The following CHAT variants were observed in gnomAD, a reference collection of about 807,000 sequenced individuals.
CHAT encodes the protein acetyl CoA:choline O-acetyltransferase.
Under a neutral mutation model 76.9 loss-of-function variants are expected in CHAT, and 61 were observed. That is an observed-to-expected ratio of 0.79 (90% CI 0.65 to 0.98). CHAT has a LOEUF of 0.98. Ranked by LOEUF, CHAT falls within the 50% of genes least tolerant of loss-of-function variation. The probability of loss-of-function intolerance (pLI) is 0.00; values close to 1 mark genes in which losing one functional copy is unlikely to be tolerated. For missense variants in CHAT, 946 were observed against 986.9 expected, an observed-to-expected ratio of 0.96 and a Z score of 0.56; for synonymous variants, 407 against 397.4, an observed-to-expected ratio of 1.02 and a Z score of -0.29.
intron 4 of CHAT, among the ~76,000 whole-genome samples, 188 bp downstream of exon 4, chr10:49,620,801 AC>A (rs1211076726): frequency 7.2e-5 from 11 of 152,230 alleles, no homozygotes. Context: ...CACTCGAGTG[AC>A]AATCACACAA....
chr10:49,646,720 C>T lies in CHAT; in HGVS notation c.1281+46C>T, dbSNP rs1390004110. On this transcript the variant is annotated intron_variant, in intron 8 of 14. Coordinates refer to ENST00000337653, the MANE Select transcript of CHAT (RefSeq NM_020549.5). The stretch of plus-strand genomic sequence containing the variant: ...TGCAAGAGCACAGCCATGCCCCCAG[C>T]GAGAGAGTGAGTAGGCAAGCGGGCA... The T allele has an allele frequency of 1.0e-5, 16 of 1,602,232 alleles. No individual in the cohort carries two copies. In the East Asian group the frequency reaches 1.6e-4, roughly 16 times the overall value.
Position 49,622,700 on chromosome 10 carries a change from C to T in CHAT, c.752+550C>T, listed in dbSNP as rs564560851. The stretch of plus-strand genomic sequence containing the variant: ...GTCTGAGAGCAGCAGGGAGAGTAAG[C>T]GGGTCTGGAGGACCCAAGTCTCTCA... On this transcript the variant is annotated intron_variant, in intron 5 of 14. Transcript: ENST00000337653. Among the ~76,000 whole-genome samples, 7 of 152,234 alleles carry T rather than the reference C, an allele frequency of 4.6e-5. No individual in the cohort carries two copies. In the South Asian group the frequency reaches 1.2e-3, roughly 27 times the overall value.
At chr10:49,622,666 CA>C (rs1305113961) in intron 5 of CHAT, among the ~76,000 whole-genome samples, 1 of 152,124 alleles carries the variant, frequency 6.6e-6, no homozygotes. Context: ...CTTAGGAGAG[CA>C]GGAGGGTGTC....
At chr10:49,661,015 T>A (rs1307147699) in intron 13 of CHAT, among the ~76,000 whole-genome samples, 3 of 152,230 alleles carry the variant, frequency 2.0e-5, no homozygotes, top group African/African-American at 7.2e-5. Flanking sequence ...TATGATCATG[T>A]TTTTTTGCAT....
rs1259327742 is a variant in CHAT, at chr10:49,620,481, G to GC, written c.580-11dup. On this transcript the variant is annotated splice_polypyrimidine_tract_variant and intron_variant, in intron 3 of 14. Transcript: ENST00000337653. The stretch of plus-strand genomic sequence containing the variant: ...TTGGGGGGATGTGACGGCCTTCCCT[G>GC]CCCTCCCCGGCAGGTGTCTGAGTAC... 1 of 1,593,472 alleles carries GC rather than the reference G, an allele frequency of 6.3e-7. No homozygotes were observed. Among genetic ancestry groups the GC allele is most frequent in the Non-Finnish European group, 8.6e-7 (1 of 1,162,334 alleles).
chr10:49,612,193 C>T (rs376743590), upstream of CHAT: 16 of 1,609,440 alleles, frequency 9.9e-6, no homozygotes, highest in East Asian at 6.7e-5. Flanking sequence ...GCGCGATGTG[C>T]TGCTTGATGA....
At chr10:49,611,618 T>C, upstream of CHAT, 1 of 1,611,498 alleles carries the variant, frequency 6.2e-7, no homozygotes, top group Non-Finnish European at 8.5e-7. Context: ...TACATTGCCG[T>C]GGTGGCCGGC....
At chr10:49,656,755 T>C (rs1840047591) in intron 13 of CHAT, among the ~76,000 whole-genome samples, 2 of 152,268 alleles carry the variant, frequency 1.3e-5, no homozygotes, top group Non-Finnish European at 2.9e-5. Flanking sequence ...GAAGAAGGAC[T>C]GGTTGGAATT....
chr10:49,612,307 G>A (rs1838322864), upstream of CHAT: 1 of 1,607,656 alleles, frequency 6.2e-7, no homozygotes, highest in African/African-American at 1.3e-5. Flanking sequence ...TGCGTGCGAG[G>A]ACGACTACAA....
At chr10:49,651,575 G>A (rs902572322) in intron 10 of CHAT, among the ~76,000 whole-genome samples, 1 of 152,190 alleles carries the variant, frequency 6.6e-6, no homozygotes, top group African/African-American at 2.4e-5. Context: ...TGTCACCTGT[G>A]TCACAGTTAA....
chr10:49,664,099 G>T (rs1840279581), intron 14 of CHAT, among the ~76,000 whole-genome samples: 1 of 152,186 alleles, frequency 6.6e-6, no homozygotes, highest in African/African-American at 2.4e-5. Flanking sequence ...TTAATCTGGG[G>T]TGTGGGAGTT....
At chr10:49,611,391 G>A (rs760191637), upstream of CHAT, 3 of 1,598,738 alleles carry the variant, frequency 1.9e-6, no homozygotes, top group African/African-American at 1.3e-5. Context: ...TGGGCGTGGC[G>A]CTGGCCTTCA....
At chr10:49,635,531 T>C (rs1262717543) in intron 7 of CHAT, among the ~76,000 whole-genome samples, 1 of 152,222 alleles carries the variant, frequency 6.6e-6, no homozygotes, top group Non-Finnish European at 1.5e-5. Flanking sequence ...GACTGTACCA[T>C]TTTACATTCC....
intron 7 of CHAT, among the ~76,000 whole-genome samples, chr10:49,629,515 C>T (rs573200093): frequency 6.6e-6 from 1 of 152,214 alleles, no homozygotes; most frequent in Admixed American, 6.5e-5. Context: ...CCTTCAGGGA[C>T]AGAGACAGGC....
chr10:49,646,863 T>C (rs1372297426), intron 8 of CHAT, among the ~76,000 whole-genome samples, 189 bp downstream of exon 8: 1 of 152,140 alleles, frequency 6.6e-6, no homozygotes, highest in Non-Finnish European at 1.5e-5. Context: ...AGATGTGCTG[T>C]TGATGTCAAT....
At position 49,652,019 on chromosome 10, in the gene CHAT, G is replaced by A. The variant is rs1448689588; in HGVS notation, c.1634+13G>A. On this transcript the variant is annotated intron_variant, in intron 11 of 14. Transcript: ENST00000337653. ...TGGCCTTCTACAGGTGAGTGAAGGT[G>A]GAGTGAGTCTGTACCCTGGAGGGCT... The A allele has an allele frequency of 6.2e-7, 1 of 1,614,164 alleles. No individual in the cohort carries two copies. Among genetic ancestry groups the A allele is most frequent in the Admixed American group, 1.7e-5 (1 of 60,026 alleles).
Position 49,614,171 on chromosome 10 carries a change from G to T in CHAT, c.-19G>T. The T allele has an allele frequency of 6.5e-7, 1 of 1,545,548 alleles. No homozygotes were observed. Among genetic ancestry groups the T allele is most frequent in the Non-Finnish European group, 8.7e-7 (1 of 1,145,872 alleles). Reference sequence around the variant, plus strand: ...GGGGGCCGGGAGCTGAGATCCCTGGGCGGGGAGCTGGGGAAGGGATGGGGC... The same window carrying T: ...GGGGGCCGGGAGCTGAGATCCCTGGTCGGGGAGCTGGGGAAGGGATGGGGC... On this transcript the variant is annotated 5_prime_UTR_variant, in exon 1 of 15. Coordinates refer to ENST00000337653, the MANE Select transcript of CHAT (RefSeq NM_020549.5).
At chr10:49,609,884 C>A (rs1838242817), upstream of CHAT, among the ~76,000 whole-genome samples, 1 of 151,942 alleles carries the variant, frequency 6.6e-6, no homozygotes, top group Admixed American at 6.5e-5. Context: ...TCGCTGTGCG[C>A]CGAGGTCCAG....
At chr10:49,610,967 AG>A (rs779806837), upstream of CHAT, 1 of 1,611,194 alleles carries the variant, frequency 6.2e-7, no homozygotes, top group Non-Finnish European at 8.5e-7. Context: ...CGGACTCCCG[AG>A]GTGTGGGAGC....
Sources: gnomAD v4.1 joint callset for allele counts (sites outside exome capture counted in the v4.1 genomes callset) on GRCh38, gnomAD v4.1.1 for gene constraint, MANE v1.5 for transcripts, NCBI Gene and HGNC (gene_info 2026-07-23, HGNC 2026-07-21) for gene names.